Variants in CLCN4 observed in about 807,000 individuals in gnomAD.
CLCN4 encodes the protein Cl-/H+ antiporter 4.
In CLCN4, 1 loss-of-function variant was observed where a neutral mutation model predicts 41.7. The ratio of observed to expected loss-of-function variants is 0.02; its 90% CI spans 0.01 to 0.11. The LOEUF (loss-of-function observed/expected upper bound fraction) is 0.11, where lower values mean the gene tolerates loss of function less well. Ranked by LOEUF, CLCN4 falls within the 10% of genes least tolerant of loss-of-function variation. The probability of loss-of-function intolerance (pLI) is 1.00; values close to 1 mark genes in which losing one functional copy is unlikely to be tolerated. For synonymous variants in CLCN4, 277 were observed against 285.8 expected, an observed-to-expected ratio of 0.97 and a Z score of 0.31; for missense variants, 287 against 661.0, an observed-to-expected ratio of 0.43 and a Z score of 6.20.
intron 3 of CLCN4, among the ~76,000 whole-genome samples, chrX:10,187,163 T>C (rs1923834565): frequency 8.9e-6 from 1 of 112,581 alleles, no homozygotes; most frequent in Admixed American, 9.4e-5. Flanking sequence ...TAAGTTAAGA[T>C]AGTAACTCAT....
chrX:10,196,790 C>T (rs1168472735), intron 5 of CLCN4, among the ~76,000 whole-genome samples: 1 of 111,748 alleles, frequency 8.9e-6, no homozygotes, highest in Non-Finnish European at 1.9e-5. Flanking sequence ...TTCTTCTCTC[C>T]TACTTGCAAT....
intron 2 of CLCN4, among the ~76,000 whole-genome samples, chrX:10,166,171 A>G (rs1337062760): frequency 8.9e-6 from 1 of 111,982 alleles, no homozygotes; most frequent in Non-Finnish European, 1.9e-5. Flanking sequence ...TGTGTCCCCA[A>G]CAAATTCATA....
At position 10,191,120 on chromosome X, in the gene CLCN4, G is replaced by A. The variant is rs758496441; in HGVS notation, c.244+3506G>A. Among the ~76,000 whole-genome samples the A allele has an allele frequency of 9.0e-5, 10 of 111,504 alleles. No homozygotes were observed. The South Asian group carries it at 3.4e-3, about 38-fold the overall frequency. On this transcript the variant is annotated intron_variant, in intron 4 of 12. Coordinates refer to ENST00000380833, the MANE Select transcript of CLCN4 (RefSeq NM_001830.4). ...ACAGAGTTGTACAACCATCACCGTG[G>A]TCGATTTTAGAATAATTTTATCATG... is the stretch of plus-strand genomic sequence containing the variant.
At chrX:10,197,000 C>T (rs1320314297) in intron 5 of CLCN4, among the ~76,000 whole-genome samples, 1 of 112,239 alleles carries the variant, frequency 8.9e-6, no homozygotes, top group Non-Finnish European at 1.9e-5. Context: ...AAGGCCAGAG[C>T]AGTCTCCTGG....
chrX:10,167,035 T>A (rs777478973), intron 2 of CLCN4, among the ~76,000 whole-genome samples: 3 of 111,881 alleles, frequency 2.7e-5, no homozygotes, highest in African/African-American at 9.7e-5. Flanking sequence ...ACACAGGGAG[T>A]GCTGGGGGCA....
intron 2 of CLCN4, among the ~76,000 whole-genome samples, chrX:10,175,890 TTCTCTCTCTCTCTCCCTCCCTCCCTC>T (rs1247091035): frequency 3.4e-5 from 1 of 29,088 alleles, no homozygotes; most frequent in Non-Finnish European, 6.2e-5. Flanking sequence ...CTCTCTCTCT[TTCTCTCTCTCTCTCCCTCCCTCCCTC>T]TCTCTCTCTC....
At chrX:10,160,175 T>C (rs1173734400) in intron 2 of CLCN4, among the ~76,000 whole-genome samples, 2 of 110,990 alleles carry the variant, frequency 1.8e-5, no homozygotes, top group East Asian at 5.6e-4. Context: ...TTGCCCCCTG[T>C]TGAGAACCAC....
At chrX:10,189,940 T>A (rs1384036128) in intron 4 of CLCN4, among the ~76,000 whole-genome samples, 1 of 111,906 alleles carries the variant, frequency 8.9e-6, no homozygotes, top group Non-Finnish European at 1.9e-5. Context: ...TGTTTGCCCC[T>A]GGATATCTGC....
rs971288832 is a variant in CLCN4 at position 10,158,528 on chromosome X, C to T, written c.-35C>T. 3 of 296,356 alleles carry T rather than the reference C, an allele frequency of 1.0e-5. No individual in the cohort carries two copies. Among genetic ancestry groups the T allele is most frequent in the African/African-American group, 8.1e-5 (3 of 36,947 alleles). The allele number at this position is 296,356 out of a possible 1,213,427, so 24.4% of individuals were successfully genotyped here. A position where few individuals can be genotyped will look rare whatever the true frequency, so the allele number is the denominator to read the frequency against. On this transcript the variant is annotated 5_prime_UTR_variant, in exon 2 of 13. Transcript: ENST00000380833. ...CGAGGATGCTGTCCAGGTGGGCGGC[C>T]GCGGGCGCGATGCGGCACTGCAGGT...
At chrX:10,210,077 A>C (rs759836030) in intron 9 of CLCN4, among the ~76,000 whole-genome samples, 53 of 111,567 alleles carry the variant, frequency 4.8e-4, no homozygotes, top group Admixed American at 2.2e-3. Flanking sequence ...ACTTCATATA[A>C]ATGATATCAT....
chrX:10,205,342 G>C (rs777757017), intron 6 of CLCN4, among the ~76,000 whole-genome samples: 188 of 108,828 alleles, frequency 1.7e-3, no homozygotes, highest in Non-Finnish European at 2.6e-3. Flanking sequence ...GCATGATGGC[G>C]GGTGACTGTA....
At chrX:10,202,348 C>T (rs753690567) in intron 6 of CLCN4, among the ~76,000 whole-genome samples, 1 of 111,184 alleles carries the variant, frequency 9.0e-6, no homozygotes, top group South Asian at 3.8e-4. Flanking sequence ...TGGCACGTGC[C>T]AGTAATCCCA....
chrX:10,169,790 T>C (rs1056963094), intron 2 of CLCN4, among the ~76,000 whole-genome samples: 6,694 of 63,958 alleles, frequency 0.1, 197 homozygotes, highest in Middle Eastern at 0.18. Context: ...TCTTTTCTTT[T>C]CTTTTTTTTT....
At chrX:10,199,311 T>C (rs1266420179) in intron 6 of CLCN4, among the ~76,000 whole-genome samples, 1 of 112,217 alleles carries the variant, frequency 8.9e-6, no homozygotes, top group Non-Finnish European at 1.9e-5. Flanking sequence ...CTGACACATA[T>C]GACAAAAAGA....
In CLCN4 at chrX:10,208,037, C is replaced by G. The variant is rs753237957; in HGVS notation, c.844-8C>G. ...GCCAGTCTTTAATTTTCCACTTTTT[C>G]ATCTCAGGTCAGTTACTACTTTCCC... On this transcript the variant is annotated splice_region_variant and splice_polypyrimidine_tract_variant and intron_variant, in intron 8 of 12. Transcript: ENST00000380833. 5.6e-5 allele frequency: 66 copies of G among 1,189,019 alleles called. No homozygotes were observed. The Middle Eastern group carries it at 1.2e-3, about 22-fold the overall frequency.
At chrX:10,208,661 T>C (rs781511242) in intron 9 of CLCN4, 71 bp downstream of exon 9, 1 of 1,006,207 alleles carries the variant, frequency 9.9e-7, no homozygotes, top group Non-Finnish European at 1.3e-6. Flanking sequence ...CTCTCTAAAA[T>C]AAAATTGCGG....
chrX:10,172,904 A>G (rs1923420386), intron 2 of CLCN4, among the ~76,000 whole-genome samples: 1 of 111,831 alleles, frequency 8.9e-6, no homozygotes, highest in African/African-American at 3.3e-5. Context: ...GAAGATGGCT[A>G]TTAATTTGTG....
intron 2 of CLCN4, among the ~76,000 whole-genome samples, chrX:10,159,220 CAT>C (rs1286510806): frequency 3.6e-5 from 4 of 111,958 alleles, no homozygotes; most frequent in African/African-American, 1.3e-4. Context: ...CCAAAGATAA[CAT>C]GTGAGCGTAA....
At chrX:10,202,638 CAAAAAAAAAAAAAAAAAAA>C (rs759089094) in intron 6 of CLCN4, among the ~76,000 whole-genome samples, 4 of 19,639 alleles carry the variant, frequency 2.0e-4, no homozygotes, top group Non-Finnish European at 2.8e-4. Flanking sequence ...GACCCTGCCT[CAAAAAAAAAAAAAAAAAAA>C]AAAAAAAAAA....
Sources: allele counts gnomAD v4.1 joint callset (sites outside exome capture counted in the v4.1 genomes callset), GRCh38; gene constraint gnomAD v4.1.1; transcripts MANE v1.5; gene names NCBI Gene and HGNC (gene_info 2026-07-23, HGNC 2026-07-21).